SLC36A1: variants seen among roughly 807,000 people sequenced by gnomAD.
The protein encoded by SLC36A1 is solute carrier family 36 member 1.
A neutral mutation model predicts 47.5 loss-of-function variants in SLC36A1; 30 were observed. The observed-to-expected ratio is 0.63, with a 90% CI of 0.47 to 0.86. The LOEUF (loss-of-function observed/expected upper bound fraction) is 0.86, where lower values mean the gene tolerates loss of function less well. SLC36A1 is among the 40% of genes least tolerant of loss of function. The probability of loss-of-function intolerance (pLI) is 0.00; values close to 1 mark genes in which losing one functional copy is unlikely to be tolerated. For synonymous variants in SLC36A1, 255 were observed against 249.7 expected (o/e 1.02, Z -0.20); for missense variants, 517 against 606.0 (o/e 0.85, Z 1.54).
upstream of SLC36A1, among the ~76,000 whole-genome samples, chr5:151,433,270 T>A (rs867264483): frequency 0.027 from 630 of 23,264 alleles, no homozygotes; most frequent in Non-Finnish European, 0.032. Flanking sequence ...ATATATATTT[T>A]TTTTTTTTTT....
chr5:151,380,635 G>C, the SLC36A1 span: 1 of 552,704 alleles, frequency 1.8e-6, no homozygotes, highest in Non-Finnish European at 3.7e-6. Flanking sequence ...AGATGCAGTA[G>C]TGGCTCACAT....
At chr5:151,452,613 A>G (rs1753809983) in intron 1 of SLC36A1, 1 of 152,234 alleles carries the variant, frequency 6.6e-6, no homozygotes, top group Non-Finnish European at 1.5e-5. Context: ...TCTTGCCTGT[A>G]ATCCCATCAC....
chr5:151,537,007 C>T, the SLC36A1 span, among the ~76,000 whole-genome samples: 3 of 152,192 alleles, frequency 2.0e-5, no homozygotes, highest in South Asian at 2.1e-4. Context: ...CCCCCACTCT[C>T]TTACCCCTGG....
At chr5:151,407,362 A>G in the SLC36A1 span, among the ~76,000 whole-genome samples, 3 of 152,170 alleles carry the variant, frequency 2.0e-5, no homozygotes, top group Non-Finnish European at 4.4e-5. Context: ...GTGCGTTTTT[A>G]CAGAGTGCTG....
the SLC36A1 span, among the ~76,000 whole-genome samples, chr5:151,364,731 C>T: frequency 6.6e-6 from 1 of 152,234 alleles, no homozygotes; most frequent in South Asian, 2.1e-4. Context: ...GGAACTGACC[C>T]ATGTAACTGG....
the SLC36A1 span, chr5:151,425,357 C>G: frequency 1.3e-5 from 2 of 152,338 alleles, no homozygotes. Flanking sequence ...AGCTGCAAGT[C>G]AATGTTGCCT....
the SLC36A1 span, among the ~76,000 whole-genome samples, chr5:151,391,066 A>T: frequency 2.0e-5 from 3 of 151,984 alleles, no homozygotes; most frequent in South Asian, 2.1e-4. Flanking sequence ...CATTTGTTTG[A>T]GTCCTCTTTT....
the SLC36A1 span, among the ~76,000 whole-genome samples, chr5:151,385,420 C>T: frequency 6.6e-6 from 1 of 152,198 alleles, no homozygotes; most frequent in Non-Finnish European, 1.5e-5. Flanking sequence ...CTGTGGGGCT[C>T]CTAGGAATTT....
At chr5:151,418,155 G>C in the SLC36A1 span, among the ~76,000 whole-genome samples, 1 of 152,256 alleles carries the variant, frequency 6.6e-6, no homozygotes, top group Non-Finnish European at 1.5e-5. Context: ...AAATGCCTGG[G>C]TGTCCAGACA....
At chr5:151,505,624 A>G in the SLC36A1 span, 1 of 1,613,974 alleles carries the variant, frequency 6.2e-7, no homozygotes, top group African/African-American at 1.3e-5. Flanking sequence ...GAGCCCTCAT[A>G]GTTGGGGGGC....
the SLC36A1 span, among the ~76,000 whole-genome samples, chr5:151,392,759 C>A: frequency 1.1e-4 from 17 of 152,170 alleles, no homozygotes; most frequent in Non-Finnish European, 2.1e-4. Flanking sequence ...GCACTGTGGT[C>A]TGAGAGACAG....
chr5:151,346,934 A>G, the SLC36A1 span, among the ~76,000 whole-genome samples: 1 of 152,322 alleles, frequency 6.6e-6, no homozygotes, highest in East Asian at 1.9e-4. Flanking sequence ...TCCTCCAAGT[A>G]GTTAGGGATT....
the SLC36A1 span, chr5:151,543,916 A>G: frequency 9.9e-5 from 159 of 1,614,070 alleles, no homozygotes; most frequent in Non-Finnish European, 5.9e-5. Context: ...GTCAGGGTCA[A>G]TAGCCTGGAC....
chr5:151,507,141 T>G, the SLC36A1 span: 4 of 1,550,928 alleles, frequency 2.6e-6, no homozygotes, highest in Admixed American at 7.6e-5. Flanking sequence ...TAAGCGTCTC[T>G]GGCTATACTG....
rs780332582 is a variant in SLC36A1 at position 151,467,153 on chromosome 5, ATT to A, written c.420-44_420-43del. ...ACACCTCCCCTTCTGGGAGCATTGCATTTGTATTGTAACAGTCTTTGTATTCC... is the reference window on the plus strand; with the variant it reads ...ACACCTCCCCTTCTGGGAGCATTGCATGTATTGTAACAGTCTTTGTATTCC... On this transcript the variant is annotated intron_variant, in intron 5 of 10. Coordinates refer to ENST00000243389, the MANE Select transcript of SLC36A1 (RefSeq NM_078483.4). The A allele has an allele frequency of 2.2e-6, 3 of 1,385,844 alleles. No individual in the cohort carries two copies. In the South Asian group the frequency reaches 3.8e-5, roughly 17 times the overall value. 85.8% of individuals were successfully genotyped at this position (1,385,844 alleles called of 1,614,324 possible).
the SLC36A1 span, among the ~76,000 whole-genome samples, chr5:151,382,634 G>A: frequency 4.6e-5 from 7 of 152,170 alleles, no homozygotes; most frequent in Non-Finnish European, 1.0e-4. Flanking sequence ...GTGGGCACAT[G>A]TGCTTGAGCC....
the SLC36A1 span, among the ~76,000 whole-genome samples, chr5:151,386,224 G>A: frequency 6.6e-6 from 1 of 151,996 alleles, no homozygotes; most frequent in Admixed American, 6.6e-5. Context: ...GATCTTCAGG[G>A]TCCCCTACTG....
chr5:151,525,969 A>G, the SLC36A1 span: 4 of 1,613,866 alleles, frequency 2.5e-6, no homozygotes, highest in South Asian at 4.4e-5. Context: ...AGTTCTCCTG[A>G]GACCGAGAGT....
chr5:151,425,685 C>CA, the SLC36A1 span, among the ~76,000 whole-genome samples: 1,902 of 152,110 alleles, frequency 0.013, 15 homozygotes, highest in South Asian at 0.024. Flanking sequence ...TCTGTATTTA[C>CA]AAAAAATGTT....
Sources: allele counts gnomAD v4.1 joint callset (sites outside exome capture counted in the v4.1 genomes callset), GRCh38; gene constraint gnomAD v4.1.1; transcripts MANE v1.5; gene names NCBI Gene and HGNC (gene_info 2026-07-23, HGNC 2026-07-21).